ARL15: variants seen among roughly 807,000 people sequenced by gnomAD.
ARL15 encodes the protein ADP-ribosylation factor-like protein 15.
Under a neutral mutation model 25.2 loss-of-function variants are expected in ARL15, and 19 were observed. The ratio of observed to expected loss-of-function variants is 0.75; its 90% confidence interval spans 0.53 to 1.10. The LOEUF is 1.10. Ranked by LOEUF, ARL15 falls within the 50% of genes least tolerant of loss-of-function variation. ARL15 has a pLI of 0.00. For missense variants in ARL15, 220 were observed against 246.0 expected (o/e 0.89, Z 0.71); for synonymous variants, 94 against 86.8 (o/e 1.08, Z -0.46).
intron 4 of ARL15, among the ~76,000 whole-genome samples, chr5:53,911,563 G>A (rs967959601): frequency 6.6e-6 from 1 of 151,918 alleles, no homozygotes; most frequent in South Asian, 2.1e-4. Context: ...ATAGGCTTTT[G>A]GGGGACAGGT....
intron 4 of ARL15, among the ~76,000 whole-genome samples, chr5:54,041,852 A>AGG (rs1385403583): frequency 6.6e-6 from 1 of 152,204 alleles, no homozygotes; most frequent in Non-Finnish European, 1.5e-5. Context: ...CAAGGATTTG[A>AGG]GGGCTATGTA....
chr5:54,268,892 TA>T (rs1216010678), intron 1 of ARL15, among the ~76,000 whole-genome samples: 6 of 152,220 alleles, frequency 3.9e-5, no homozygotes, highest in African/African-American at 1.4e-4. Flanking sequence ...TACGCAGCCA[TA>T]AAAAATGATG....
At chr5:54,133,636 A>G (rs1753506121) in intron 3 of ARL15, among the ~76,000 whole-genome samples, 1 of 152,220 alleles carries the variant, frequency 6.6e-6, no homozygotes, top group African/African-American at 2.4e-5. Flanking sequence ...TAAGAAAACA[A>G]TGACAAATCT....
chr5:54,174,881 C>A (rs1293269085), intron 1 of ARL15, among the ~76,000 whole-genome samples: 1 of 152,176 alleles, frequency 6.6e-6, no homozygotes, highest in Non-Finnish European at 1.5e-5. Flanking sequence ...TTAGGACAGA[C>A]AACAAAACTA....
chr5:54,034,250 T>C (rs954263457), intron 4 of ARL15, among the ~76,000 whole-genome samples: 3 of 152,224 alleles, frequency 2.0e-5, no homozygotes, highest in Non-Finnish European at 4.4e-5. Flanking sequence ...ATCCATTTTG[T>C]TGTGGATTGA....
At chr5:53,936,370 A>G (rs1746348935) in intron 4 of ARL15, among the ~76,000 whole-genome samples, 1 of 152,248 alleles carries the variant, frequency 6.6e-6, no homozygotes, top group African/African-American at 2.4e-5. Context: ...GCTCAAGGTC[A>G]CATGGCTAGA....
intron 4 of ARL15, among the ~76,000 whole-genome samples, chr5:54,015,090 C>T (rs578134269): frequency 1.3e-5 from 2 of 151,820 alleles, no homozygotes; most frequent in African/African-American, 2.4e-5. Context: ...GTCAGGAGTT[C>T]GAGACCAGCC....
At chr5:53,935,601 T>C (rs1019868908) in intron 4 of ARL15, among the ~76,000 whole-genome samples, 1 of 152,226 alleles carries the variant, frequency 6.6e-6, no homozygotes, top group Non-Finnish European at 1.5e-5. Flanking sequence ...CTTTGAAATG[T>C]ACTTCAAGGT....
intron 4 of ARL15, among the ~76,000 whole-genome samples, chr5:54,001,503 G>T (rs550689933): frequency 2.2e-4 from 33 of 152,230 alleles, no homozygotes; most frequent in African/African-American, 6.0e-4. Context: ...TTATTCTATG[G>T]AAAGCTACAA....
At chr5:53,962,738 CA>C (rs1384583781) in intron 4 of ARL15, among the ~76,000 whole-genome samples, 2 of 151,974 alleles carry the variant, frequency 1.3e-5, no homozygotes, top group Non-Finnish European at 2.9e-5. Context: ...TAAACTGGAT[CA>C]AAGGCCTAAA....
chr5:54,035,593 C>A (rs1380541100), intron 4 of ARL15, among the ~76,000 whole-genome samples: 1 of 151,934 alleles, frequency 6.6e-6, no homozygotes, highest in Non-Finnish European at 1.5e-5. Context: ...ACAAATTTTC[C>A]AAACAAAGGA....
chr5:54,209,304 A>G (rs1157994149), intron 1 of ARL15, among the ~76,000 whole-genome samples: 1 of 150,238 alleles, frequency 6.7e-6, no homozygotes, highest in African/African-American at 2.5e-5. Flanking sequence ...TACATTAACT[A>G]GAATGATGGT....
At chr5:53,905,834 C>T (rs1745233385) in intron 4 of ARL15, among the ~76,000 whole-genome samples, 1 of 152,176 alleles carries the variant, frequency 6.6e-6, no homozygotes, top group Non-Finnish European at 1.5e-5. Context: ...CAAAACAATT[C>T]TAAATGATAC....
intron 4 of ARL15, among the ~76,000 whole-genome samples, chr5:53,987,131 C>A (rs926805900): frequency 3.9e-5 from 6 of 152,124 alleles, no homozygotes; most frequent in African/African-American, 1.4e-4. Context: ...TAGGCAGGAA[C>A]ATGATATAAT....
intron 4 of ARL15, among the ~76,000 whole-genome samples, chr5:53,932,986 C>A (rs1393559116): frequency 6.6e-6 from 1 of 152,196 alleles, no homozygotes; most frequent in African/African-American, 2.4e-5. Flanking sequence ...TGAAAGTAAT[C>A]ATATAAGCAT....
intron 4 of ARL15, among the ~76,000 whole-genome samples, chr5:54,000,625 C>T (rs989268818): frequency 3.3e-5 from 5 of 152,166 alleles, no homozygotes; most frequent in African/African-American, 1.2e-4. Context: ...TATAGTATCA[C>T]TATATTTCTC....
chr5:54,068,075 A>T (rs1005977631), intron 4 of ARL15, among the ~76,000 whole-genome samples: 1 of 152,198 alleles, frequency 6.6e-6, no homozygotes, highest in Non-Finnish European at 1.5e-5. Context: ...AAAGAGCTGG[A>T]GGATAAGAAA....
At chr5:54,081,688 C>A (rs572487483) in intron 4 of ARL15, among the ~76,000 whole-genome samples, 3 of 152,268 alleles carry the variant, frequency 2.0e-5, no homozygotes, top group African/African-American at 7.2e-5. Context: ...TCCTCTTCGC[C>A]TTCTGCCATA....
chr5:53,903,828 G>A (rs1745148682), intron 4 of ARL15, among the ~76,000 whole-genome samples: 1 of 152,154 alleles, frequency 6.6e-6, no homozygotes, highest in African/African-American at 2.4e-5. Flanking sequence ...CAAGGAAGTA[G>A]CCACCTTTCA....
Sources: allele counts gnomAD v4.1 joint callset (sites outside exome capture counted in the v4.1 genomes callset), GRCh38; gene constraint gnomAD v4.1.1; transcripts MANE v1.5; gene names NCBI Gene and HGNC (gene_info 2026-07-23, HGNC 2026-07-21).